GPC3: variants seen among roughly 807,000 people sequenced by gnomAD.
The protein encoded by GPC3 is glypican 3.
A neutral mutation model predicts 34.4 loss-of-function variants in GPC3; 3 were observed. The ratio of observed to expected loss-of-function variants is 0.09; its 90% CI spans 0.04 to 0.23. The LOEUF (loss-of-function observed/expected upper bound fraction) is 0.23, where lower values mean the gene tolerates loss of function less well. GPC3 is among the 10% of genes least tolerant of loss of function. The probability of loss-of-function intolerance (pLI) is 1.00; values close to 1 mark genes in which losing one functional copy is unlikely to be tolerated. For missense variants in GPC3, 351 were observed against 445.6 expected, an observed-to-expected ratio of 0.79 and a Z score of 1.91; for synonymous variants, 177 against 174.0, an observed-to-expected ratio of 1.02 and a Z score of -0.13.
chrX:133,872,833 T>G (rs1172190609), intron 2 of GPC3, among the ~76,000 whole-genome samples: 1 of 111,682 alleles, frequency 9.0e-6, no homozygotes, highest in Non-Finnish European at 1.9e-5. Context: ...CTGACCTAAA[T>G]GACCTGGGGT....
intron 2 of GPC3, among the ~76,000 whole-genome samples, chrX:133,871,701 T>G (rs1245667153): frequency 8.9e-6 from 1 of 111,989 alleles, no homozygotes; most frequent in African/African-American, 3.2e-5. Context: ...AGGTGATATA[T>G]AGTGGAAGTT....
intron 2 of GPC3, among the ~76,000 whole-genome samples, chrX:133,868,110 G>A (rs2075976743): frequency 8.9e-6 from 1 of 111,778 alleles, no homozygotes; most frequent in Admixed American, 9.5e-5. Flanking sequence ...CTCTGTCTTT[G>A]CAAAAACGCG....
intron 3 of GPC3, among the ~76,000 whole-genome samples, chrX:133,752,481 G>A (rs898358239): frequency 1.8e-5 from 2 of 111,712 alleles, no homozygotes; most frequent in South Asian, 3.9e-4. Context: ...CACTTGAGAT[G>A]TAGTGGAAGC....
chrX:133,577,720 C>G lies in GPC3; in HGVS notation c.1573+18720G>C, dbSNP rs952390961. Reference sequence around the variant, plus strand: ...ATTCCTATTCCTACTGATGTTTGCCCCTGTGAGTAGAACAGATGTGGTAAG... The same window carrying G: ...ATTCCTATTCCTACTGATGTTTGCCGCTGTGAGTAGAACAGATGTGGTAAG... On this transcript the variant is annotated intron_variant, in intron 7 of 7. Coordinates refer to ENST00000370818, the MANE Select transcript of GPC3 (RefSeq NM_004484.4). Among the ~76,000 whole-genome samples, 4 of 111,968 alleles carry G rather than the reference C, an allele frequency of 3.6e-5. No homozygotes were observed. In the East Asian group the frequency reaches 1.1e-3, roughly 31 times the overall value.
intron 2 of GPC3, among the ~76,000 whole-genome samples, chrX:133,872,517 G>A (rs947101973): frequency 7.2e-5 from 8 of 111,597 alleles, no homozygotes; most frequent in Admixed American, 1.9e-4. Flanking sequence ...ATAATAAAAT[G>A]ATTTTTCCTT....
chrX:133,636,739 T>C (rs1283983648), intron 6 of GPC3, among the ~76,000 whole-genome samples: 2 of 111,557 alleles, frequency 1.8e-5, no homozygotes, highest in Non-Finnish European at 3.8e-5. Context: ...GCATCACATC[T>C]TATTCAAAAT....
intron 6 of GPC3, among the ~76,000 whole-genome samples, chrX:133,625,328 G>C: frequency 9.0e-6 from 1 of 111,670 alleles, no homozygotes; most frequent in Non-Finnish European, 1.9e-5. Flanking sequence ...CAATCAGGCA[G>C]GAGAAAGAAG....
At chrX:133,826,244 A>C (rs1033743990) in intron 2 of GPC3, among the ~76,000 whole-genome samples, 2 of 112,072 alleles carry the variant, frequency 1.8e-5, no homozygotes, top group Middle Eastern at 9.2e-3. Flanking sequence ...TGAATCAGCT[A>C]TTTTAAATAT....
At chrX:133,671,103 G>A in intron 5 of GPC3, 2 of 769,218 alleles carry the variant, frequency 2.6e-6, no homozygotes, top group Non-Finnish European at 4.0e-6. Context: ...GAGTGCCTAA[G>A]ACAGGAAAAA....
intron 2 of GPC3, among the ~76,000 whole-genome samples, chrX:133,900,632 A>G (rs1338503661): frequency 8.9e-6 from 1 of 111,893 alleles, no homozygotes; most frequent in Non-Finnish European, 1.9e-5. Flanking sequence ...ATGTTCCTCC[A>G]ACAAAATGAT....
intron 3 of GPC3, among the ~76,000 whole-genome samples, chrX:133,748,757 C>A (rs2071632499): frequency 1.8e-5 from 2 of 112,013 alleles, no homozygotes; most frequent in South Asian, 7.4e-4. Context: ...GAATACTTGC[C>A]ATGTTCCTGA....
At chrX:133,576,791 C>T (rs1339900251) in intron 7 of GPC3, among the ~76,000 whole-genome samples, 3 of 109,492 alleles carry the variant, frequency 2.7e-5, no homozygotes, top group Non-Finnish European at 5.7e-5. Context: ...TAGCTGAAGC[C>T]ATCAAGAATA....
rs1195378830 is a variant in GPC3, at chrX:133,637,427, A to T, written c.1413+24303T>A. ...GTGAGACTCCATCTCAAAAAAAAAA[A>T]TAAAAAATAAAAAATAATTTTAAAA... is the stretch of plus-strand genomic sequence containing the variant. On this transcript the variant is annotated intron_variant, in intron 6 of 7. Transcript: ENST00000370818. Among the ~76,000 whole-genome samples, 15 of 110,837 alleles carry T rather than the reference A, an allele frequency of 1.4e-4. 1 individual carries two copies. Among genetic ancestry groups the T allele is most frequent in the Non-Finnish European group, 9.4e-5 (5 of 52,923 alleles).
chrX:133,687,092 ATT>A (rs775110101), intron 5 of GPC3, among the ~76,000 whole-genome samples: 10 of 69,275 alleles, frequency 1.4e-4, no homozygotes, highest in African/African-American at 4.0e-4. Flanking sequence ...TGGCCGGCTA[ATT>A]TTTTTTTTTT....
At chrX:133,780,585 C>G (rs763684505) in intron 2 of GPC3, among the ~76,000 whole-genome samples, 1 of 111,501 alleles carries the variant, frequency 9.0e-6, no homozygotes, top group African/African-American at 3.3e-5. Context: ...ATGATAATTA[C>G]CCAGCTCTGA....
At chrX:133,954,376 A>T (rs1232672794) in intron 1 of GPC3, among the ~76,000 whole-genome samples, 1 of 112,043 alleles carries the variant, frequency 8.9e-6, no homozygotes, top group African/African-American at 3.2e-5. Context: ...ATTTATTTTT[A>T]TTTTTTATTT....
intron 3 of GPC3, among the ~76,000 whole-genome samples, chrX:133,750,937 G>A (rs1251720755): frequency 9.1e-6 from 1 of 109,508 alleles, no homozygotes; most frequent in Non-Finnish European, 1.9e-5. Context: ...GCCAGGCATG[G>A]TGGCATGCGC....
intron 2 of GPC3, among the ~76,000 whole-genome samples, chrX:133,864,857 T>G (rs184265961): frequency 1.8e-5 from 2 of 112,824 alleles, no homozygotes; most frequent in Admixed American, 9.4e-5. Flanking sequence ...TCCTGGATCT[T>G]CTTTCTGAAT....
intron 2 of GPC3, among the ~76,000 whole-genome samples, chrX:133,839,452 A>G (rs1056909859): frequency 9.0e-6 from 1 of 111,622 alleles, no homozygotes; most frequent in Admixed American, 9.5e-5. Flanking sequence ...TGTATACCTT[A>G]AATATACACA....
Sources: allele counts gnomAD v4.1 joint callset (sites outside exome capture counted in the v4.1 genomes callset), GRCh38; gene constraint gnomAD v4.1.1; transcripts MANE v1.5; gene names NCBI Gene and HGNC (gene_info 2026-07-23, HGNC 2026-07-21).